APOB: variants seen among roughly 807,000 people sequenced by gnomAD.
APOB encodes the protein apolipoprotein B.
In APOB, 153 loss-of-function variants were observed where a neutral mutation model predicts 314.1. The ratio of observed to expected loss-of-function variants is 0.49; its 90% CI spans 0.43 to 0.56. The LOEUF is 0.56. Ranked by LOEUF, APOB falls within the 20% of genes least tolerant of loss-of-function variation. The pLI, the probability that APOB is intolerant of heterozygous loss-of-function variation, is 0.00. For synonymous variants in APOB, 2,087 were observed against 2,036.4 expected (o/e 1.02, Z -0.67); for missense variants, 5,430 against 5,350.7 (o/e 1.01, Z -0.46).
chr2:21,023,566 C>A lies in APOB; in HGVS notation c.2563G>T (p.Ala855Ser). The A allele has an allele frequency of 6.2e-7, 1 of 1,614,214 alleles. No individual in the cohort carries two copies. The highest frequency in any genetic ancestry group is 8.5e-7 in the Non-Finnish European group (1 of 1,180,032). The change falls in exon 17 of 29, where the codon GCT (alanine) becomes TCT (serine). Residue 855 changes from alanine to serine, a missense_variant. Coordinates refer to ENST00000233242, the MANE Select transcript of APOB (RefSeq NM_000384.3). ...TTTACTCCAGCCTTGGCTCCGGGAG[C>A]AATGACTCCAGATGAAGATATTTGC... ...QLQISSSGVI[A>S]PGAKAGVKLE...
chr2:21,019,550 G>T (rs1663547889), intron 19 of APOB, among the ~76,000 whole-genome samples, 173 bp downstream of exon 19: 1 of 152,192 alleles, frequency 6.6e-6, no homozygotes, highest in African/African-American at 2.4e-5. Flanking sequence ...GAAGCAAAAG[G>T]TGACACCCAA....
Position 21,009,178 on chromosome 2 carries a change from A to C in APOB, c.7690T>G (p.Phe2564Val). Residue 2564 changes from phenylalanine to valine, a missense_variant, in exon 26 of 29, where the codon TTT becomes GTT. Physicochemically the swap from Phe to Val is conservative, Grantham distance 50. Coordinates refer to ENST00000233242, the MANE Select transcript of APOB (RefSeq NM_000384.3). ...WTLAAKNLTDFAEQYSIQDWA... is the reference protein window; with the variant it reads ...WTLAAKNLTDVAEQYSIQDWA... ...TCTTGGATAGAATATTGCTCTGCAA[A>C]GTCAGTAAGGTTCTTAGCAGCAAGA... 6.2e-7 allele frequency: 1 copy of C among 1,614,114 alleles called. No homozygotes were observed. The highest frequency in any genetic ancestry group is 8.5e-7 in the Non-Finnish European group (1 of 1,179,972).
chr2:21,008,861 T>C lies in APOB; in HGVS notation c.8007A>G (p.Lys2669=), dbSNP rs1663224654. ...GGTCAATGGTTCTGATGATCTTTACTTTCATTTCTACAAAGTCAATTGTAA... is the reference window on the plus strand; with the variant it reads ...GGTCAATGGTTCTGATGATCTTTACCTTCATTTCTACAAAGTCAATTGTAA... The part of the protein sequence containing the change: ...PSFTIDFVEM[K]VKIIRTIDQM... Residue 2669 remains lysine (K), a synonymous_variant, in exon 26 of 29, where the codon AAA becomes AAG. Coordinates refer to ENST00000233242, the MANE Select transcript of APOB (RefSeq NM_000384.3). 1 of 1,613,974 alleles carries C rather than the reference T, an allele frequency of 6.2e-7. No homozygotes were observed. Among genetic ancestry groups the C allele is most frequent in the Admixed American group, 1.7e-5 (1 of 59,994 alleles).
chr2:21,040,205 A>G (rs993153153), intron 4 of APOB, among the ~76,000 whole-genome samples: 11 of 151,928 alleles, frequency 7.2e-5, no homozygotes, highest in Non-Finnish European at 1.2e-4. Context: ...TGATTGTGAG[A>G]CCTCCCCAGC....
Position 21,010,384 on chromosome 2 carries a change from C to T in APOB, c.6484G>A (p.Asp2162Asn), listed in dbSNP as rs771904479. ...TTTTCATTAAAGTTGATTTTGGCAT[C>T]ATCTAATGCAATTTGTATATCATTT... ...TENDIQIALDDAKINFNEKLS... is the reference protein window; with the variant it reads ...TENDIQIALDNAKINFNEKLS... The change falls in exon 26 of 29, where the codon GAT becomes AAT. Residue 2162 changes from aspartate (D) to asparagine (N), a missense_variant. By Grantham distance (23) the Asp-to-Asn change is conservative. Around this residue, in one of 3 missense-constraint regions of APOB, gnomAD observed 3,281 missense variants for 3,171.0 expected, o/e 1.03. Transcript: ENST00000233242. 1.0e-5 allele frequency: 16 copies of T among 1,586,596 alleles called. No homozygotes were observed. In the Admixed American group the frequency reaches 2.6e-4, roughly 26 times the overall value.
rs749791220 is a variant in APOB at position 21,007,673 on chromosome 2, T to G, written c.9195A>C (p.Thr3065=). 10 of 1,614,146 alleles carry G rather than the reference T, an allele frequency of 6.2e-6. No individual in the cohort carries two copies. Among genetic ancestry groups the G allele is most frequent in the Non-Finnish European group, 8.5e-6 (10 of 1,179,960 alleles). ...AGTTATTCAGGAAGTCTATCTTCCCTGTTAACCTTAATGGAAAACGAACTT... is the reference window on the plus strand; with the variant it reads ...AGTTATTCAGGAAGTCTATCTTCCCGGTTAACCTTAATGGAAAACGAACTT... ...NLKVRFPLRL[T]GKIDFLNNYA... The change falls in exon 26 of 29, where the codon ACA becomes ACC. Residue 3065 remains threonine, a synonymous_variant. Transcript: ENST00000233242.
intron 2 of APOB, among the ~76,000 whole-genome samples, 190 bp from the exon 3 acceptor site, chr2:21,042,666 A>G (rs905476889): frequency 1.3e-5 from 2 of 152,042 alleles, no homozygotes; most frequent in Non-Finnish European, 2.9e-5. Flanking sequence ...TGCTGAGGCT[A>G]ATGTTTAAAT....
At chr2:21,014,227 C>G (rs1239420187) in intron 24 of APOB, among the ~76,000 whole-genome samples, 1 of 152,170 alleles carries the variant, frequency 6.6e-6, no homozygotes, top group East Asian at 1.9e-4. Flanking sequence ...GGTGAAAGTA[C>G]CAGAATCCTC....
In APOB at chr2:21,001,865, T is replaced by G; in HGVS notation, c.13557A>C (p.Arg4519Ser). 1 of 1,614,094 alleles carries G rather than the reference T, an allele frequency of 6.2e-7. No homozygotes were observed. The highest frequency in any genetic ancestry group is 8.5e-7 in the Non-Finnish European group (1 of 1,179,972). ...YYEKFIAESK[R>S]LIDLSIQNYH... is the part of the protein sequence containing the mutation. ...AGTTTTGAATGGACAGGTCAATCAA[T>G]CTTTTGGATTCAGCAATAAATTTTT... The change falls in exon 29 of 29, where the codon AGA becomes AGC. Residue 4519 changes from arginine (R) to serine (S), a missense_variant. By Grantham distance (110) the Arg-to-Ser change is moderately radical. This residue lies in a region of APOB where 3,281 missense variants were observed against 3,171.0 expected (regional missense o/e 1.03). Coordinates refer to ENST00000233242, the MANE Select transcript of APOB (RefSeq NM_000384.3).
chr2:21,005,043 A>G (rs763173021), intron 26 of APOB, 37 bp downstream of exon 26: 1 of 1,607,288 alleles, frequency 6.2e-7, no homozygotes, highest in East Asian at 2.2e-5. Flanking sequence ...CATTGAAAAT[A>G]TACAGTATCT....
At chr2:21,037,046 T>C (rs925889004) in intron 6 of APOB, 54 bp downstream of exon 6, 1 of 1,610,814 alleles carries the variant, frequency 6.2e-7, no homozygotes, top group East Asian at 2.2e-5. Flanking sequence ...TCTGGAATTG[T>C]ATTAATAAGA....
At chr2:21,037,035 T>C in intron 6 of APOB, 65 bp downstream of exon 6, 1 of 1,605,194 alleles carries the variant, frequency 6.2e-7, no homozygotes, top group Non-Finnish European at 8.5e-7. Context: ...AGCTCAAAAG[T>C]TCTGGAATTG....
In APOB at chr2:21,015,492, A is replaced by G; in HGVS notation, c.3386T>C (p.Leu1129Ser). The change falls in exon 22 of 29, where the codon TTG (leucine) becomes TCG (serine). Residue 1129 changes from leucine (L) to serine (S), a missense_variant. Transcript: ENST00000233242. ...KIKGVISIPR[L>S]QAEARSEILA... ...GATCTCACTTCTGGCTTCTGCTTGC[A>G]AACGGGGTATGGAAATAACACCCTT... 2.5e-6 allele frequency: 4 copies of G among 1,614,108 alleles called. No homozygotes were observed. The highest frequency in any genetic ancestry group is 1.1e-5 in the South Asian group (1 of 91,076).
chr2:21,034,056 A>G (rs1163234130), intron 8 of APOB, among the ~76,000 whole-genome samples: 3 of 152,168 alleles, frequency 2.0e-5, no homozygotes, highest in Admixed American at 2.0e-4. Context: ...ATTTCTTCTA[A>G]TTGGGTCTAC....
rs1214152470 is a variant in APOB at position 21,005,177 on chromosome 2, A to G, written c.11691T>C (p.Thr3897=). The change falls in exon 26 of 29, where the codon ACT becomes ACC. Residue 3897 remains threonine (T), a synonymous_variant. Coordinates refer to ENST00000233242, the MANE Select transcript of APOB (RefSeq NM_000384.3). ...CTTTGTTTTTCAAACTGGCACTCCA[A>G]GTGGCATTATACACGGGAGAGTCTA... The part of the protein sequence containing the change: ...FEVDSPVYNA[T]WSASLKNKAD... 1.9e-6 allele frequency: 3 copies of G among 1,613,968 alleles called. No homozygotes were observed. The highest frequency in any genetic ancestry group is 1.7e-5 in the Admixed American group (1 of 59,978).
chr2:21,012,525 A>G lies in APOB; in HGVS notation c.4343T>C (p.Val1448Ala), dbSNP rs774104030. Reference protein sequence around the residue: ...SHVEKLGNNPVSKGLLIFDAS... With the variant: ...SHVEKLGNNPASKGLLIFDAS... Reference sequence around the variant, plus strand: ...ATCGAATATTAGTAAACCTTTTGAGACTGGGTTGTTTCCAAGTTTTTCTAC... The same window carrying G: ...ATCGAATATTAGTAAACCTTTTGAGGCTGGGTTGTTTCCAAGTTTTTCTAC... Residue 1448 changes from valine to alanine, a missense_variant, in exon 26 of 29, where the codon GTC becomes GCC. Physicochemically the swap from Val to Ala is moderately conservative, Grantham distance 64. Transcript: ENST00000233242. 3 of 1,614,210 alleles carry G rather than the reference A, an allele frequency of 1.9e-6. No homozygotes were observed. The highest frequency in any genetic ancestry group is 2.5e-6 in the Non-Finnish European group (3 of 1,180,040).
chr2:21,026,340 C>T (rs1034627079), intron 15 of APOB, among the ~76,000 whole-genome samples: 12 of 151,904 alleles, frequency 7.9e-5, no homozygotes, highest in Admixed American at 7.9e-4. Context: ...CTCCACCTCC[C>T]GGGTTCAAGC....
Position 21,010,005 on chromosome 2 carries a change from T to G in APOB, c.6863A>C (p.His2288Pro). 1 of 1,613,776 alleles carries G rather than the reference T, an allele frequency of 6.2e-7. No homozygotes were observed. Among genetic ancestry groups the G allele is most frequent in the South Asian group, 1.1e-5 (1 of 91,080 alleles). ...IQHLAGKLKQ[H>P]IEAIDVRVLL... ...CACTCTAACATCAATAGCCTCAATG[T>G]GTTGTTTTAACTTTCCAGCTAGGTG... Residue 2288 changes from histidine to proline, a missense_variant, in exon 26 of 29, where the codon CAC (histidine) becomes CCC (proline). Transcript: ENST00000233242.
chr2:21,002,356 G>A lies in APOB; in HGVS notation c.13066C>T (p.Leu4356Phe), dbSNP rs998949351. 1.2e-6 allele frequency: 2 copies of A among 1,609,322 alleles called. No individual in the cohort carries two copies. The highest frequency in any genetic ancestry group is 1.7e-6 in the Non-Finnish European group (2 of 1,178,298). Residue 4356 changes from leucine to phenylalanine, a missense_variant, in exon 29 of 29, where the codon CTT becomes TTT. Physicochemically the swap from Leu to Phe is conservative, Grantham distance 22 (BLOSUM62 0). Coordinates refer to ENST00000233242, the MANE Select transcript of APOB (RefSeq NM_000384.3). ...TGAATAAATTCATTGAACTTATGAA[G>A]ATTAAGGCATAGGTTTTCTTTCAAC... ...KLLKENLCLN[L>F]HKFNEFIQNE...
Sources: gnomAD v4.1 joint callset for allele counts (sites outside exome capture counted in the v4.1 genomes callset) on GRCh38, gnomAD v4.1.1 for gene constraint, gnomAD v4.1.1 regional missense constraint, MANE v1.5 for transcripts, NCBI Gene and HGNC (gene_info 2026-07-23, HGNC 2026-07-21) for gene names.